The following MEF2A variants were observed in gnomAD, a reference collection of about 807,000 sequenced individuals.
MEF2A encodes the protein myocyte-specific enhancer factor 2A.
MEF2A carries 28 observed loss-of-function variants against 55.8 expected under a neutral mutation model. The ratio of observed to expected loss-of-function variants is 0.50; its 90% CI spans 0.37 to 0.69. The LOEUF (loss-of-function observed/expected upper bound fraction) is 0.69. Among genes scored for constraint, MEF2A ranks in the 30% least tolerant of loss-of-function variants. MEF2A has a pLI of 0.00. For synonymous variants in MEF2A, 239 were observed against 227.1 expected (o/e 1.05, Z -0.47); for missense variants, 528 against 626.2 (o/e 0.84, Z 1.67).
chr15:99,675,576 T>C, intron 7 of MEF2A, 118 bp downstream of exon 7: 5 of 782,486 alleles, frequency 6.4e-6, no homozygotes, highest in South Asian at 3.6e-5. Flanking sequence ...CTTTCACTAA[T>C]ACATCAAGAT....
chr15:99,707,658 A>G lies in MEF2A; in HGVS notation c.1009+803A>G, dbSNP rs1231797911. Among the ~76,000 whole-genome samples the G allele has an allele frequency of 5.3e-5, 8 of 152,330 alleles. No homozygotes were observed. In the East Asian group the frequency reaches 1.5e-3, roughly 29 times the overall value. The stretch of plus-strand genomic sequence containing the variant: ...GTTTCGCTTTCTCATCAGCTGAGCC[A>G]AACACCTGATGCTTCAGAGGAAGAC... On this transcript the variant is annotated intron_variant, in intron 10 of 11. Transcript: ENST00000557942.
At chr15:99,702,404 AT>A (rs2057503982) in intron 8 of MEF2A, among the ~76,000 whole-genome samples, 1 of 151,168 alleles carries the variant, frequency 6.6e-6, no homozygotes, top group Non-Finnish European at 1.5e-5. Context: ...TCTAAATGTT[AT>A]GGAGAAAAGG....
At chr15:99,585,925 T>G (rs918988861) in intron 1 of MEF2A, among the ~76,000 whole-genome samples, 1 of 152,212 alleles carries the variant, frequency 6.6e-6, no homozygotes, top group African/African-American at 2.4e-5. Context: ...TGTAGGTTTT[T>G]TTCCTAAATG....
At chr15:99,691,675 G>C (rs987513515) in intron 8 of MEF2A, among the ~76,000 whole-genome samples, 1 of 152,000 alleles carries the variant, frequency 6.6e-6, no homozygotes, top group African/African-American at 2.4e-5. Flanking sequence ...TCCAGCCTGG[G>C]TGACAGAGCA....
chr15:99,609,526 CATA>C (rs1446626361), intron 2 of MEF2A, among the ~76,000 whole-genome samples: 2 of 152,072 alleles, frequency 1.3e-5, no homozygotes, highest in Admixed American at 1.3e-4. Flanking sequence ...GTTTGTACGA[CATA>C]ATGTTGTATT....
At chr15:99,637,003 G>A (rs1332370494) in intron 3 of MEF2A, among the ~76,000 whole-genome samples, 1 of 152,038 alleles carries the variant, frequency 6.6e-6, no homozygotes, top group Non-Finnish European at 1.5e-5. Flanking sequence ...CCATATGTGT[G>A]TGAAACTGTT....
In MEF2A at chr15:99,671,864, C is replaced by T. The variant is rs568260493; in HGVS notation, c.390+410C>T. 2.0e-5 allele frequency among the ~76,000 whole-genome samples: 3 copies of T among 152,284 alleles called. No homozygotes were observed. The East Asian group carries it at 5.8e-4, about 29-fold the overall frequency. On this transcript the variant is annotated intron_variant, in intron 5 of 11. Coordinates refer to ENST00000557942, the MANE Select transcript of MEF2A (RefSeq NM_001319206.4). ...CTTAAATGTAGAAGTGAAGAGAAAACATGCCGATCCAGACTTTGCTACTTC... is the reference window on the plus strand; with the variant it reads ...CTTAAATGTAGAAGTGAAGAGAAAATATGCCGATCCAGACTTTGCTACTTC...
Position 99,614,021 on chromosome 15 carries a change from CATG to C in MEF2A, c.-143+15513_-143+15515del, listed in dbSNP as rs1368383085. 2.0e-5 allele frequency among the ~76,000 whole-genome samples: 3 copies of C among 152,108 alleles called. No individual in the cohort carries two copies. In the East Asian group the frequency reaches 5.8e-4, roughly 29 times the overall value. On this transcript the variant is annotated intron_variant, in intron 2 of 11. Coordinates refer to ENST00000557942, the MANE Select transcript of MEF2A (RefSeq NM_001319206.4). ...GATAATGTACTGTTATGGAAAAAGA[CATG>C]ATATTAGGGCCAAAATTTCAACTCT...
chr15:99,665,703 T>A (rs1015273691), intron 4 of MEF2A, among the ~76,000 whole-genome samples: 1 of 100,226 alleles, frequency 1.0e-5, no homozygotes. Context: ...AGGGTTAATA[T>A]CCGGAATCTA....
At chr15:99,625,113 A>G (rs1469354517) in intron 2 of MEF2A, among the ~76,000 whole-genome samples, 2 of 152,192 alleles carry the variant, frequency 1.3e-5, no homozygotes, top group East Asian at 1.9e-4. Flanking sequence ...CGTTAGGTGT[A>G]TTAAGTGCAT....
intron 8 of MEF2A, among the ~76,000 whole-genome samples, chr15:99,702,694 A>G (rs2057559576): frequency 6.6e-6 from 1 of 152,114 alleles, no homozygotes; most frequent in African/African-American, 2.4e-5. Context: ...TCTTTTCTTT[A>G]CATGACTTAT....
At chr15:99,702,521 G>A (rs1164036354) in intron 8 of MEF2A, among the ~76,000 whole-genome samples, 1 of 147,948 alleles carries the variant, frequency 6.8e-6, no homozygotes, top group Non-Finnish European at 1.5e-5. Flanking sequence ...TCTGCCGCCC[G>A]GGTTCAAGCA....
At chr15:99,592,456 T>C (rs1969629971) in intron 1 of MEF2A, among the ~76,000 whole-genome samples, 1 of 152,202 alleles carries the variant, frequency 6.6e-6, no homozygotes, top group South Asian at 2.1e-4. Flanking sequence ...ATTCTGAATT[T>C]AAATGTGCTG....
rs1370361953 is a variant in MEF2A, at chr15:99,575,533, G to C, written c.-225+9429G>C. On this transcript the variant is annotated intron_variant, in intron 1 of 11. Coordinates refer to ENST00000557942, the MANE Select transcript of MEF2A (RefSeq NM_001319206.4). Reference sequence around the variant, plus strand: ...GGCAGTACGGTGTCATTTTGACCATGTTGTTGATGTTTATTTGGACCACTT... The same window carrying C: ...GGCAGTACGGTGTCATTTTGACCATCTTGTTGATGTTTATTTGGACCACTT... Among the ~76,000 whole-genome samples, 4 of 152,268 alleles carry C rather than the reference G, an allele frequency of 2.6e-5. No homozygotes were observed. The East Asian group carries it at 7.7e-4, about 29-fold the overall frequency.
In MEF2A at chr15:99,631,848, G is replaced by A. The variant is rs1424885138; in HGVS notation, c.-142-1130G>A. ...GTTAGTGCTGGAAATGATAAGAAACGAAAGGCTTATAGCTTTTGAGCAAAA... is the reference window on the plus strand; with the variant it reads ...GTTAGTGCTGGAAATGATAAGAAACAAAAGGCTTATAGCTTTTGAGCAAAA... On this transcript the variant is annotated intron_variant, in intron 2 of 11. Transcript: ENST00000557942. Among the ~76,000 whole-genome samples the A allele has an allele frequency of 2.0e-5, 3 of 152,196 alleles. No individual in the cohort carries two copies. In the East Asian group the frequency reaches 5.8e-4, roughly 29 times the overall value.
chr15:99,588,940 A>C (rs1968337939), intron 1 of MEF2A, among the ~76,000 whole-genome samples: 1 of 152,110 alleles, frequency 6.6e-6, no homozygotes. Context: ...TTTTCTTTAC[A>C]TATTTTGCTG....
At chr15:99,640,751 G>A (rs899051748) in intron 3 of MEF2A, among the ~76,000 whole-genome samples, 2 of 151,786 alleles carry the variant, frequency 1.3e-5, no homozygotes, top group African/African-American at 4.8e-5. Flanking sequence ...GTCTCACCAT[G>A]TTGCCCAGAC....
rs536072983 is a variant in MEF2A, at chr15:99,585,102, A to G, written c.-224-13328A>G. On this transcript the variant is annotated intron_variant, in intron 1 of 11. Coordinates refer to ENST00000557942, the MANE Select transcript of MEF2A (RefSeq NM_001319206.4). The stretch of plus-strand genomic sequence containing the variant: ...GTATAAAAACCTATCTTTTTAACCT[A>G]CCTAGCACTTGGGCTGGAATTGTGC... 2.6e-5 allele frequency among the ~76,000 whole-genome samples: 4 copies of G among 152,272 alleles called. No individual in the cohort carries two copies. The South Asian group carries it at 8.3e-4, about 32-fold the overall frequency.
intron 1 of MEF2A, among the ~76,000 whole-genome samples, chr15:99,569,511 C>T (rs1961193292): frequency 6.6e-6 from 1 of 152,192 alleles, no homozygotes; most frequent in African/African-American, 2.4e-5. Flanking sequence ...TGTTTTAAAA[C>T]ATTAGAATTT....
Sources: gnomAD v4.1 joint callset for allele counts (sites outside exome capture counted in the v4.1 genomes callset) on GRCh38, gnomAD v4.1.1 for gene constraint, MANE v1.5 for transcripts, NCBI Gene and HGNC (gene_info 2026-07-23, HGNC 2026-07-21) for gene names.